PCDHA1: variants seen among roughly 807,000 people sequenced by gnomAD.
The protein encoded by PCDHA1 is protocadherin alpha-1.
In PCDHA1, 42 loss-of-function variants were observed where a neutral mutation model predicts 61.3. That is an observed-to-expected ratio of 0.69 (90% CI 0.54 to 0.89). The LOEUF (loss-of-function observed/expected upper bound fraction) is 0.89. Ranked by LOEUF, PCDHA1 falls within the 40% of genes least tolerant of loss-of-function variation. The pLI is 0.00. For missense variants in PCDHA1, 1,256 were observed against 1,235.3 expected, an observed-to-expected ratio of 1.02 and a Z score of -0.25; for synonymous variants, 610 against 553.8, an observed-to-expected ratio of 1.10 and a Z score of -1.43.
intron 1 of PCDHA1, among the ~76,000 whole-genome samples, chr5:140,901,384 T>C (rs2068629478): frequency 6.6e-6 from 1 of 152,226 alleles, no homozygotes. Flanking sequence ...TAATTCAATA[T>C]TTGTATATGG....
At chr5:141,005,436 G>T (rs1554260042) in intron 3 of PCDHA1, among the ~76,000 whole-genome samples, 2 of 152,080 alleles carry the variant, frequency 1.3e-5, no homozygotes, top group East Asian at 1.9e-4. Flanking sequence ...TGGATGAGAG[G>T]CTCACGCCTG....
chr5:140,805,678 T>C, intron 1 of PCDHA1: 1 of 806,242 alleles, frequency 1.2e-6, no homozygotes, highest in South Asian at 5.7e-5. Flanking sequence ...CCAGGATGAT[T>C]CAAAGATCAT....
At chr5:140,834,207 T>C in intron 1 of PCDHA1, 1 of 628,528 alleles carries the variant, frequency 1.6e-6, no homozygotes, top group Non-Finnish European at 2.7e-6. Flanking sequence ...CCGCAAATTC[T>C]TTCGTAATCA....
At chr5:140,796,216 G>C (rs782456335) in intron 1 of PCDHA1, 8 of 1,614,080 alleles carry the variant, frequency 5.0e-6, no homozygotes, top group Non-Finnish European at 6.8e-6. Context: ...CCGCGAGAGC[G>C]TGTCAGCCTA....
intron 1 of PCDHA1, among the ~76,000 whole-genome samples, chr5:140,798,341 C>T (rs1762317918): frequency 6.6e-6 from 1 of 152,166 alleles, no homozygotes; most frequent in South Asian, 2.1e-4. Flanking sequence ...AGATTTCACA[C>T]TGATAACATT....
intron 1 of PCDHA1, among the ~76,000 whole-genome samples, chr5:140,921,910 A>G (rs1474219286): frequency 6.6e-6 from 1 of 152,086 alleles, no homozygotes; most frequent in Non-Finnish European, 1.5e-5. Context: ...TATATATTAC[A>G]TGATAAAACT....
In PCDHA1 at chr5:140,829,080, T is replaced by A. The variant is rs375670586; in HGVS notation, c.2394+40396T>A. Reference sequence around the variant, plus strand: ...GCCACGGACAAAGGCCATCCTCCCATGGCGGGTCATTGCACCGTTTTAGTG... The same window carrying A: ...GCCACGGACAAAGGCCATCCTCCCAAGGCGGGTCATTGCACCGTTTTAGTG... On this transcript the variant is annotated intron_variant, in intron 1 of 3. Coordinates refer to ENST00000504120, the MANE Select transcript of PCDHA1 (RefSeq NM_018900.4). The A allele has an allele frequency of 6.2e-7, 1 of 1,611,960 alleles. No individual in the cohort carries two copies.
chr5:140,857,724 A>G (rs1277501257), intron 1 of PCDHA1: 1 of 1,597,434 alleles, frequency 6.3e-7, no homozygotes, highest in Admixed American at 1.7e-5. Context: ...GACGAGAACG[A>G]CAACGCTCCC....
chr5:140,978,915 A>T, intron 1 of PCDHA1, 34 bp from the exon 2 acceptor site: 3 of 1,613,970 alleles, frequency 1.9e-6, no homozygotes, highest in Non-Finnish European at 2.5e-6. Flanking sequence ...TTGTCTTGTC[A>T]TTTTAACAGA....
rs1229103510 is a variant in PCDHA1, at chr5:140,850,051, C to T, written c.2394+61367C>T. The T allele has an allele frequency of 6.3e-6, 10 of 1,596,302 alleles. 1 individual carries two copies. The highest frequency in any genetic ancestry group is 7.7e-6 in the Non-Finnish European group (9 of 1,167,790). Reference sequence around the variant, plus strand: ...CACGCGGAGAGCGGCAAGGTGTACGCGCTGCAGCCGTTGGACCACGAGGAG... The same window carrying T: ...CACGCGGAGAGCGGCAAGGTGTACGTGCTGCAGCCGTTGGACCACGAGGAG... On this transcript the variant is annotated intron_variant, in intron 1 of 3. Coordinates refer to ENST00000504120, the MANE Select transcript of PCDHA1 (RefSeq NM_018900.4).
chr5:140,997,565 A>T (rs552009994), intron 3 of PCDHA1, among the ~76,000 whole-genome samples: 1 of 152,174 alleles, frequency 6.6e-6, no homozygotes, highest in Non-Finnish European at 1.5e-5. Context: ...CAACTGTCAT[A>T]TGTGTGGTCC....
intron 1 of PCDHA1, chr5:140,866,668 AT>A (rs2049485821): frequency 1.3e-5 from 2 of 152,156 alleles, no homozygotes; most frequent in African/African-American, 2.4e-5. Flanking sequence ...TCAAGAAATA[AT>A]AGCACTAGGT....
intron 1 of PCDHA1, chr5:140,868,934 G>T: frequency 2.7e-6 from 3 of 1,116,548 alleles, no homozygotes; most frequent in African/African-American, 1.6e-5. Context: ...TTTAAAGGTT[G>T]GTCTGAACAG....
intron 1 of PCDHA1, chr5:140,881,225 T>C (rs1026658425): frequency 9.3e-5 from 25 of 267,532 alleles, no homozygotes; most frequent in Non-Finnish European, 1.4e-4. Context: ...TCTTGGAAAA[T>C]TAAAGTCAAT....
At chr5:140,968,036 A>T in intron 1 of PCDHA1, 1 of 1,614,160 alleles carries the variant, frequency 6.2e-7, no homozygotes, top group Non-Finnish European at 8.5e-7. Context: ...ACTGGTGGTG[A>T]GCGGCCCACT....
intron 3 of PCDHA1, among the ~76,000 whole-genome samples, chr5:140,995,476 A>G (rs2097685199): frequency 6.6e-6 from 1 of 152,210 alleles, no homozygotes; most frequent in Non-Finnish European, 1.5e-5. Flanking sequence ...TTTTTCATTT[A>G]ATATTTTCAG....
At position 140,787,934 on chromosome 5, in the gene PCDHA1, C is replaced by G. The variant is rs782794202; in HGVS notation, c.1644C>G (p.Asn548Lys). 1 of 1,613,836 alleles carries G rather than the reference C, an allele frequency of 6.2e-7. No individual in the cohort carries two copies. Among genetic ancestry groups the G allele is most frequent in the Non-Finnish European group, 8.5e-7 (1 of 1,179,900 alleles). ...RDAGVPPLGS[N>K]VTLQVFVLDE... Reference sequence around the variant, plus strand: ...CGGGCGTGCCGCCTCTGGGCAGCAACGTGACGCTGCAGGTGTTCGTGCTGG... The same window carrying G: ...CGGGCGTGCCGCCTCTGGGCAGCAAGGTGACGCTGCAGGTGTTCGTGCTGG... Residue 548 changes from asparagine to lysine, a missense_variant, in exon 1 of 4, where the codon AAC (asparagine) becomes AAG (lysine). By Grantham distance (94) the Asn-to-Lys change is moderately conservative (BLOSUM62 0). Coordinates refer to ENST00000504120, the MANE Select transcript of PCDHA1 (RefSeq NM_018900.4).
rs2150277487 is a variant in PCDHA1, at chr5:140,837,615, C to CCCTT, written c.2394+48948_2394+48951dup. On this transcript the variant is annotated intron_variant, in intron 1 of 3. Transcript: ENST00000504120. ...CCAATATATATATTTTATAATTTGC[C>CCCTT]CCTTCCTTCCTTCCTTCCTTTCTTT... Among the ~76,000 whole-genome samples the CCCTT allele has an allele frequency of 5.2e-3, 763 of 145,918 alleles. 3 individuals are homozygous for CCCTT. Among genetic ancestry groups the CCCTT allele is most frequent in the South Asian group, 0.011 (50 of 4,612 alleles).
intron 1 of PCDHA1, among the ~76,000 whole-genome samples, chr5:140,950,045 A>G (rs1293026782): frequency 1.3e-5 from 2 of 151,934 alleles, no homozygotes; most frequent in Non-Finnish European, 2.9e-5. Context: ...ACAACCATAT[A>G]AGACTATTTA....
Sources: gnomAD v4.1 joint callset for allele counts (sites outside exome capture counted in the v4.1 genomes callset) on GRCh38, gnomAD v4.1.1 for gene constraint, MANE v1.5 for transcripts, NCBI Gene and HGNC (gene_info 2026-07-23, HGNC 2026-07-21) for gene names.